ASTN2: variants seen among roughly 807,000 people sequenced by gnomAD.
The protein encoded by ASTN2 is astrotactin-2.
ASTN2 carries 54 observed loss-of-function variants against 139.8 expected under a neutral mutation model. That is an observed-to-expected ratio of 0.39 (90% confidence interval 0.31 to 0.48). The LOEUF is 0.48. Among genes scored for constraint, ASTN2 ranks in the 20% least tolerant of loss-of-function variants. The pLI, the probability that ASTN2 is intolerant of heterozygous loss-of-function variation, is 0.95. For missense variants in ASTN2, 1,565 were observed against 1,725.1 expected (o/e 0.91, Z 1.64); for synonymous variants, 756 against 719.5 (o/e 1.05, Z -0.81).
At chr9:117,352,039 C>A (rs558941527) in intron 1 of ASTN2, among the ~76,000 whole-genome samples, 1 of 152,146 alleles carries the variant, frequency 6.6e-6, no homozygotes, top group Non-Finnish European at 1.5e-5. Flanking sequence ...GTGAAGATTT[C>A]CCAACATTTG....
rs142822071 is a variant in ASTN2, at chr9:117,105,377, G to C, written c.1169-9226C>G. The stretch of plus-strand genomic sequence containing the variant: ...GGCTATGTGTAAGTGGTTGAGTCAA[G>C]AGTCTCAGCTAAGCCCAGCATTTAA... On this transcript the variant is annotated intron_variant, in intron 4 of 22. Transcript: ENST00000313400. Among the ~76,000 whole-genome samples, 97 of 152,238 alleles carry C rather than the reference G, an allele frequency of 6.4e-4. No individual in the cohort carries two copies. In the South Asian group the frequency reaches 7.1e-3, roughly 11 times the overall value.
At chr9:116,510,452 GT>G (rs925443970) in intron 19 of ASTN2, among the ~76,000 whole-genome samples, 1 of 152,014 alleles carries the variant, frequency 6.6e-6, no homozygotes, top group African/African-American at 2.4e-5. Context: ...CTCCAGCTTT[GT>G]TTTTTTGCTT....
rs1402056204 is a variant in ASTN2, at chr9:117,060,599, G to A, written c.1277-20634C>T. 6.6e-5 allele frequency among the ~76,000 whole-genome samples: 10 copies of A among 151,068 alleles called. No individual in the cohort carries two copies. The South Asian group carries it at 1.7e-3, about 25-fold the overall frequency. On this transcript the variant is annotated intron_variant, in intron 5 of 22. Coordinates refer to ENST00000313400, the MANE Select transcript of ASTN2 (RefSeq NM_001365068.1). ...GGGAAAGAAGGCAGGAAGGAAGGAA[G>A]GAAGGAAGGGCGGGCCAGGGGCAGT...
chr9:116,538,811 T>A (rs1851755775), intron 19 of ASTN2, among the ~76,000 whole-genome samples: 2 of 152,104 alleles, frequency 1.3e-5, no homozygotes, highest in African/African-American at 2.4e-5. Context: ...TCATTCCTGG[T>A]GGTCCACCTA....
intron 4 of ASTN2, among the ~76,000 whole-genome samples, chr9:117,106,126 A>G (rs1044633956): frequency 5.9e-5 from 9 of 152,182 alleles, no homozygotes; most frequent in Non-Finnish European, 1.3e-4. Context: ...TTGAAATGGT[A>G]GAGTCAGACT....
At chr9:117,384,762 T>C (rs1020600418) in intron 1 of ASTN2, among the ~76,000 whole-genome samples, 1 of 152,150 alleles carries the variant, frequency 6.6e-6, no homozygotes, top group African/African-American at 2.4e-5. Flanking sequence ...GGGTTAGAGT[T>C]GAGTATACAT....
At chr9:117,268,125 A>G (rs1311168893) in intron 2 of ASTN2, among the ~76,000 whole-genome samples, 1 of 152,186 alleles carries the variant, frequency 6.6e-6, no homozygotes, top group African/African-American at 2.4e-5. Flanking sequence ...TTCCTGAATT[A>G]ACTGAGAATG....
chr9:116,907,625 G>A (rs997212356), intron 10 of ASTN2, among the ~76,000 whole-genome samples: 2 of 152,170 alleles, frequency 1.3e-5, no homozygotes, highest in Non-Finnish European at 2.9e-5. Context: ...GATGGATGGC[G>A]GGTAATATCC....
intron 5 of ASTN2, among the ~76,000 whole-genome samples, chr9:117,090,309 C>A (rs1188774631): frequency 6.6e-6 from 1 of 152,168 alleles, no homozygotes; most frequent in African/African-American, 2.4e-5. Context: ...TCCCACCAGA[C>A]ACGCATATCT....
chr9:117,134,291 TATATACACACAC>T lies in ASTN2; in HGVS notation c.1168+7023_1168+7034del, dbSNP rs1470432260. On this transcript the variant is annotated intron_variant, in intron 4 of 22. Coordinates refer to ENST00000313400, the MANE Select transcript of ASTN2 (RefSeq NM_001365068.1). Reference sequence around the variant, plus strand: ...TTATATATATATATATATATATATATATATACACACACACACACACACACACACACACACACA... The same window carrying T: ...TTATATATATATATATATATATATATACACACACACACACACACACACACA... 2.2e-3 allele frequency among the ~76,000 whole-genome samples: 118 copies of T among 53,644 alleles called. 1 individual carries two copies. Among genetic ancestry groups the T allele is most frequent in the Non-Finnish European group, 3.1e-3 (69 of 22,134 alleles). The allele number at this position is 53,644 out of a possible 152,430, so 35.2% of individuals were successfully genotyped here.
intron 5 of ASTN2, among the ~76,000 whole-genome samples, chr9:117,077,367 T>C (rs1314179723): frequency 3.9e-5 from 6 of 152,178 alleles, no homozygotes; most frequent in Non-Finnish European, 7.3e-5. Flanking sequence ...GTGGGGATGT[T>C]CACAATCTCT....
intron 1 of ASTN2, among the ~76,000 whole-genome samples, chr9:117,381,528 G>A (rs978916212): frequency 2.6e-5 from 4 of 152,088 alleles, no homozygotes; most frequent in African/African-American, 7.2e-5. Context: ...ACTTAAAAGT[G>A]TGTGGCACCT....
chr9:116,582,037 C>T (rs1201941640), intron 19 of ASTN2: 2 of 152,174 alleles, frequency 1.3e-5, no homozygotes, highest in Non-Finnish European at 2.9e-5. Flanking sequence ...GAACAATTTC[C>T]ATTGACCTTG....
intron 6 of ASTN2, among the ~76,000 whole-genome samples, chr9:117,024,094 C>T (rs1178235161): frequency 2.0e-5 from 3 of 152,110 alleles, no homozygotes; most frequent in Admixed American, 6.5e-5. Context: ...CATCCTCAAA[C>T]GAGTTCTTCA....
At chr9:116,688,858 AAAC>A (rs1244028202) in intron 16 of ASTN2, among the ~76,000 whole-genome samples, 8 of 151,668 alleles carry the variant, frequency 5.3e-5, no homozygotes, top group South Asian at 2.1e-4. Context: ...GAGACAGACA[AAAC>A]AACAACAACA....
intron 3 of ASTN2, among the ~76,000 whole-genome samples, chr9:117,150,542 C>T (rs921056801): frequency 8.5e-5 from 13 of 152,178 alleles, no homozygotes; most frequent in African/African-American, 3.1e-4. Context: ...AAATCAACCA[C>T]AGTCTCTTAC....
At position 116,945,767 on chromosome 9, in the gene ASTN2, C is replaced by T. The variant is rs572755229; in HGVS notation, c.1889+29441G>A. 3.9e-3 allele frequency among the ~76,000 whole-genome samples: 589 copies of T among 152,264 alleles called. 2 individuals are homozygous for T. The highest frequency in any genetic ancestry group is 0.02 in the Middle Eastern group (6 of 294). On this transcript the variant is annotated intron_variant, in intron 10 of 22. Coordinates refer to ENST00000313400, the MANE Select transcript of ASTN2 (RefSeq NM_001365068.1). ...AACACACATAGAGTTCTGGATGTCC[C>T]GTGTTTTGTGTATCAAGGAGTCTTT...
intron 1 of ASTN2, among the ~76,000 whole-genome samples, chr9:117,336,494 C>T (rs375256184): frequency 1.4e-4 from 22 of 152,254 alleles, no homozygotes; most frequent in South Asian, 1.0e-3. Context: ...TCTTGATCCC[C>T]ATCTCCTATC....
intron 1 of ASTN2, among the ~76,000 whole-genome samples, chr9:117,345,765 T>C (rs10818024): frequency 0.28 from 43,301 of 152,016 alleles, 8,089 homozygotes; most frequent in East Asian, 0.82. Context: ...AACTAGAGAA[T>C]GCTACAGATT....
Sources: allele counts gnomAD v4.1 joint callset (sites outside exome capture counted in the v4.1 genomes callset), GRCh38; gene constraint gnomAD v4.1.1; transcripts MANE v1.5; gene names NCBI Gene and HGNC (gene_info 2026-07-23, HGNC 2026-07-21).